TSC22D2: variants seen among roughly 807,000 people sequenced by gnomAD.
TSC22D2 encodes the protein TSC22 domain family member 2, also known as TSC22 domain family protein 2.
In TSC22D2, 5 loss-of-function variants were observed where a neutral mutation model predicts 50.1. The observed-to-expected ratio is 0.10, with a 90% CI of 0.05 to 0.21. The LOEUF (loss-of-function observed/expected upper bound fraction) is 0.21. TSC22D2 is among the 10% of genes least tolerant of loss of function. The pLI is 1.00. For missense variants in TSC22D2, 1,003 were observed against 1,015.5 expected (o/e 0.99, Z 0.17); for synonymous variants, 501 against 450.1 (o/e 1.11, Z -1.43).
intron 1 of TSC22D2, among the ~76,000 whole-genome samples, chr3:150,441,228 G>T (rs1031888815): frequency 2.0e-5 from 3 of 151,960 alleles, no homozygotes; most frequent in Non-Finnish European, 4.4e-5. Flanking sequence ...CATATTCCCA[G>T]ACTTGGAATA....
intron 1 of TSC22D2, among the ~76,000 whole-genome samples, chr3:150,414,442 T>C (rs1165252883): frequency 2.0e-5 from 3 of 152,220 alleles, no homozygotes; most frequent in Non-Finnish European, 4.4e-5. Context: ...TCACTTTCCA[T>C]AGATAGCCAA....
rs144564214 is a variant in TSC22D2 at position 150,441,813 on chromosome 3, C to G, written c.1959-15263C>G. Among the ~76,000 whole-genome samples the G allele has an allele frequency of 2.8e-3, 433 of 152,184 alleles. 2 individuals carry two copies. Among genetic ancestry groups the G allele is most frequent in the African/African-American group, 1.0e-2 (414 of 41,520 alleles). On this transcript the variant is annotated intron_variant, in intron 1 of 2. Transcript: ENST00000688009. The stretch of plus-strand genomic sequence containing the variant: ...AATGCTGTCTTCTTACATTCTTCAT[C>G]GTGGTAAGAGCTTATAGATGGCTTC...
In TSC22D2 at chr3:150,409,991, G is replaced by A; in HGVS notation, c.641G>A (p.Arg214Gln). The A allele has an allele frequency of 6.2e-7, 1 of 1,613,744 alleles. No individual in the cohort carries two copies. The highest frequency in any genetic ancestry group is 1.1e-5 in the South Asian group (1 of 91,082). The change falls in exon 1 of 3, where the codon CGG becomes CAG. Residue 214 changes from arginine to glutamine, a missense_variant. Around this residue, in one of 6 missense-constraint regions of TSC22D2, gnomAD observed 696 missense variants for 647.8 expected, o/e 1.07. Coordinates refer to ENST00000688009, the MANE Select transcript of TSC22D2 (RefSeq NM_001303264.2). This position sits in a 1 kb window ranked among gnomAD's most constrained non-coding sequence, Gnocchi z 7.4. ...AGTACTTTTGACCAGACTGCGGAGC[G>A]GGACAGCGGCCTGGGCGCCACCGGA... ...HSSTFDQTAE[R>Q]DSGLGATGGS... is the part of the protein sequence containing the mutation.
intron 1 of TSC22D2, among the ~76,000 whole-genome samples, chr3:150,427,314 C>T (rs1720224219): frequency 1.3e-5 from 2 of 152,060 alleles, no homozygotes; most frequent in Admixed American, 1.3e-4. Context: ...TTATAAGCCC[C>T]TTTCATGTCC....
intron 1 of TSC22D2, among the ~76,000 whole-genome samples, chr3:150,451,750 G>T (rs1381970777): frequency 2.0e-5 from 3 of 152,294 alleles, no homozygotes; most frequent in Non-Finnish European, 2.9e-5. Context: ...AGATAAAGGT[G>T]TGCCTGCCCT....
At chr3:150,441,057 T>C (rs1720702216) in intron 1 of TSC22D2, among the ~76,000 whole-genome samples, 1 of 148,956 alleles carries the variant, frequency 6.7e-6, no homozygotes, top group Admixed American at 6.7e-5. Context: ...TTAAAAAATA[T>C]ATATATAATA....
intron 1 of TSC22D2, among the ~76,000 whole-genome samples, chr3:150,456,335 G>C (rs979906683): frequency 6.6e-6 from 1 of 151,658 alleles, no homozygotes; most frequent in African/African-American, 2.4e-5. Context: ...ACAGGCACCC[G>C]CCCCAAGCCT....
intron 1 of TSC22D2, among the ~76,000 whole-genome samples, chr3:150,424,210 A>T (rs1191937715): frequency 6.6e-6 from 1 of 152,206 alleles, no homozygotes; most frequent in Non-Finnish European, 1.5e-5. Flanking sequence ...TATAAAATAA[A>T]TTTTTAAATA....
At chr3:150,431,353 G>T (rs529233763) in intron 1 of TSC22D2, among the ~76,000 whole-genome samples, 1 of 151,520 alleles carries the variant, frequency 6.6e-6, no homozygotes, top group African/African-American at 2.4e-5. Flanking sequence ...CAAATTCAGG[G>T]TATCTTATAT....
chr3:150,445,923 A>C (rs772771579), intron 1 of TSC22D2, among the ~76,000 whole-genome samples: 24 of 151,792 alleles, frequency 1.6e-4, no homozygotes, highest in Non-Finnish European at 2.6e-4. Context: ...GTGAAACCCC[A>C]TTTCTACTAA....
intron 1 of TSC22D2, among the ~76,000 whole-genome samples, chr3:150,421,203 C>T (rs970933071): frequency 3.3e-5 from 5 of 152,164 alleles, no homozygotes; most frequent in Admixed American, 2.0e-4. Flanking sequence ...GATACTCTTT[C>T]TTATTCTTTT....
At chr3:150,444,481 T>A (rs1444056393) in intron 1 of TSC22D2, among the ~76,000 whole-genome samples, 1 of 152,044 alleles carries the variant, frequency 6.6e-6, no homozygotes, top group Non-Finnish European at 1.5e-5. Flanking sequence ...GACAAAAAAA[T>A]TATGGACGAA....
chr3:150,425,937 T>G (rs1211220063), intron 1 of TSC22D2, among the ~76,000 whole-genome samples: 2 of 152,248 alleles, frequency 1.3e-5, no homozygotes, highest in Non-Finnish European at 2.9e-5. Flanking sequence ...AGCCTGCCTC[T>G]GCCTATATTT....
intron 1 of TSC22D2, among the ~76,000 whole-genome samples, chr3:150,450,068 GT>G (rs147709937): frequency 0.012 from 1,752 of 152,136 alleles, 41 homozygotes; most frequent in African/African-American, 0.04. Flanking sequence ...AAAGTTCTTA[GT>G]ACAGATGATA....
Position 150,411,112 on chromosome 3 carries a change from G to T in TSC22D2, c.1762G>T (p.Val588Phe). ...SQFQTQTQPL[V>F]GQVDDTRRKS... ...GTTTCAAACTCAGACCCAGCCTTTA[G>T]TCGGGCAAGTCGACGATACTAGAAG... The change falls in exon 1 of 3, where the codon GTC becomes TTC. Residue 588 changes from valine (V) to phenylalanine (F), a missense_variant. Val to Phe is a conservative substitution (Grantham distance 50). Transcript: ENST00000688009. The T allele has an allele frequency of 6.2e-7, 1 of 1,614,132 alleles. No individual in the cohort carries two copies. The highest frequency in any genetic ancestry group is 2.2e-5 in the East Asian group (1 of 44,882).
In TSC22D2 at chr3:150,462,046, GCCC is replaced by G. The variant is rs1356509047; in HGVS notation, c.*3411_*3413del. 1 of 152,052 alleles carries G rather than the reference GCCC, an allele frequency of 6.6e-6. No homozygotes were observed. Among genetic ancestry groups the G allele is most frequent in the Admixed American group, 6.6e-5 (1 of 15,258 alleles). 9.4% of individuals were successfully genotyped at this position (152,052 alleles called of 1,614,324 possible). A position where few individuals can be genotyped will look rare whatever the true frequency, so the allele number is the denominator to read the frequency against. On this transcript the variant is annotated 3_prime_UTR_variant, in exon 3 of 3. Coordinates refer to ENST00000688009, the MANE Select transcript of TSC22D2 (RefSeq NM_001303264.2). ...AATCCTATGAAAAGGACAAAACCCA[GCCC>G]TCAAAATTGACAATTTGAGGACATA... is the stretch of plus-strand genomic sequence containing the variant.
Position 150,460,088 on chromosome 3 carries a change from T to C in TSC22D2, c.*1452T>C, listed in dbSNP as rs1388433050. On this transcript the variant is annotated 3_prime_UTR_variant, in exon 3 of 3. Coordinates refer to ENST00000688009, the MANE Select transcript of TSC22D2 (RefSeq NM_001303264.2). The stretch of plus-strand genomic sequence containing the variant: ...TGATGTATAAATATATATTTTAACA[T>C]TTTCTGAAATTAAACTGCAGTTTTG... The C allele has an allele frequency of 3.3e-5, 5 of 152,166 alleles. No individual in the cohort carries two copies. The highest frequency in any genetic ancestry group is 7.4e-5 in the Non-Finnish European group (5 of 68,022). 9.4% of individuals were successfully genotyped at this position (152,166 alleles called of 1,614,324 possible).
At chr3:150,444,862 A>G (rs1293269293) in intron 1 of TSC22D2, among the ~76,000 whole-genome samples, 1 of 152,140 alleles carries the variant, frequency 6.6e-6, no homozygotes, top group Non-Finnish European at 1.5e-5. Context: ...TTTTTACTTT[A>G]TGTCAGAATC....
At chr3:150,443,926 T>G (rs529121717) in intron 1 of TSC22D2, among the ~76,000 whole-genome samples, 13 of 152,344 alleles carry the variant, frequency 8.5e-5, no homozygotes, top group African/African-American at 3.1e-4. Context: ...CCATGAAGTC[T>G]TCTATGATTT....
Sources: gnomAD v4.1 joint callset for allele counts (sites outside exome capture counted in the v4.1 genomes callset) on GRCh38, gnomAD v4.1.1 for gene constraint, gnomAD v4.1.1 regional missense constraint, Gnocchi (gnomAD v3.1) non-coding constraint, MANE v1.5 for transcripts, NCBI Gene and HGNC (gene_info 2026-07-23, HGNC 2026-07-21) for gene names.